Variants in RAD51B observed in about 807,000 individuals in gnomAD.
RAD51B encodes the protein DNA repair protein RAD51 homolog 2.
RAD51B carries 38 observed loss-of-function variants against 42.2 expected under a neutral mutation model. The observed-to-expected ratio is 0.90, with a 90% CI of 0.70 to 1.18. The LOEUF (loss-of-function observed/expected upper bound fraction) is 1.18. Among genes scored for constraint, RAD51B ranks in the 50% most tolerant of loss-of-function variants. The pLI, the probability that RAD51B is intolerant of heterozygous loss-of-function variation, is 0.00. For synonymous variants in RAD51B, 154 were observed against 145.2 expected (o/e 1.06, Z -0.43); for missense variants, 373 against 400.7 (o/e 0.93, Z 0.59).
intron 10 of RAD51B, among the ~76,000 whole-genome samples, chr14:68,559,799 A>G (rs1001943164): frequency 2.6e-5 from 4 of 152,186 alleles, no homozygotes; most frequent in Non-Finnish European, 2.9e-5. Flanking sequence ...CGTCTTGACC[A>G]CAGACACACA....
chr14:67,892,011 T>A (rs2043234591), intron 7 of RAD51B, among the ~76,000 whole-genome samples: 1 of 152,210 alleles, frequency 6.6e-6, no homozygotes, highest in South Asian at 2.1e-4. Flanking sequence ...ACTGCAGTCC[T>A]GTTTTGCTGT....
At chr14:68,561,300 G>A (rs1422010325) in intron 10 of RAD51B, among the ~76,000 whole-genome samples, 3 of 152,140 alleles carry the variant, frequency 2.0e-5, no homozygotes, top group Non-Finnish European at 2.9e-5. Context: ...TAAAAATATC[G>A]GTTTCTAACC....
At chr14:68,355,455 C>T (rs2082880507) in intron 8 of RAD51B, among the ~76,000 whole-genome samples, 1 of 152,086 alleles carries the variant, frequency 6.6e-6, no homozygotes, top group Non-Finnish European at 1.5e-5. Flanking sequence ...TTAGATTCTC[C>T]AATTTAATCT....
chr14:68,168,420 G>C (rs764206811), intron 7 of RAD51B, among the ~76,000 whole-genome samples: 13 of 152,044 alleles, frequency 8.6e-5, no homozygotes, highest in Non-Finnish European at 1.5e-4. Context: ...TCTATGAGGA[G>C]CATTATTTTT....
intron 11 of RAD51B, among the ~76,000 whole-genome samples, chr14:68,660,355 A>G (rs970181588): frequency 4.6e-5 from 7 of 152,248 alleles, no homozygotes; most frequent in Non-Finnish European, 8.8e-5. Context: ...TGCTGGTTGA[A>G]TGAATAAATG....
chr14:68,215,946 T>TCAC (rs760636964), intron 7 of RAD51B, among the ~76,000 whole-genome samples: 1 of 152,194 alleles, frequency 6.6e-6, no homozygotes, highest in Non-Finnish European at 1.5e-5. Flanking sequence ...TGTTTATTCT[T>TCAC]CACCACCACC....
chr14:68,319,995 C>G (rs1381821840), intron 8 of RAD51B, among the ~76,000 whole-genome samples: 27 of 152,122 alleles, frequency 1.8e-4, no homozygotes, highest in Admixed American at 1.7e-3. Flanking sequence ...GGTCACAGAG[C>G]CATTGAAAGG....
At chr14:68,650,615 T>C (rs2140138283) in intron 10 of RAD51B, among the ~76,000 whole-genome samples, 1 of 152,344 alleles carries the variant, frequency 6.6e-6, no homozygotes, top group Admixed American at 6.5e-5. Context: ...CAGCCAACAT[T>C]ATCTACAGAG....
intron 7 of RAD51B, among the ~76,000 whole-genome samples, chr14:68,097,659 T>C (rs746595935): frequency 1.3e-5 from 2 of 152,176 alleles, no homozygotes; most frequent in Admixed American, 6.5e-5. Context: ...AAGAAATGAA[T>C]GAATACAGGG....
chr14:68,541,456 G>A (rs949935064), intron 10 of RAD51B: 5 of 985,324 alleles, frequency 5.1e-6, no homozygotes, highest in African/African-American at 3.5e-5. Context: ...CCTGTCAGGA[G>A]GGGGAATGGC....
intron 9 of RAD51B, among the ~76,000 whole-genome samples, chr14:68,464,098 TC>T (rs1319929289): frequency 1.3e-5 from 2 of 152,232 alleles, no homozygotes; most frequent in Admixed American, 1.3e-4. Context: ...TAAAATTGCA[TC>T]CCAAACAATG....
chr14:68,264,904 G>C (rs1325757554), intron 7 of RAD51B, among the ~76,000 whole-genome samples: 1 of 152,126 alleles, frequency 6.6e-6, no homozygotes, highest in Non-Finnish European at 1.5e-5. Context: ...GGCTGCATCG[G>C]GTAGCAGAAA....
chr14:68,225,881 CA>C (rs1223870431), intron 7 of RAD51B, among the ~76,000 whole-genome samples: 3 of 152,268 alleles, frequency 2.0e-5, no homozygotes, highest in African/African-American at 7.2e-5. Context: ...TACTAACAAG[CA>C]AAATTGGAGT....
intron 9 of RAD51B, among the ~76,000 whole-genome samples, chr14:68,420,658 A>C (rs2084675735): frequency 6.6e-6 from 1 of 152,226 alleles, no homozygotes; most frequent in South Asian, 2.1e-4. Context: ...AGGACACCAG[A>C]GATCATGTTC....
chr14:68,111,868 C>G (rs2077464339), intron 7 of RAD51B, among the ~76,000 whole-genome samples: 1 of 152,088 alleles, frequency 6.6e-6, no homozygotes, highest in African/African-American at 2.4e-5. Context: ...TGTGATTGTA[C>G]TTTGTGCTTT....
chr14:68,040,591 A>C (rs889610478), intron 7 of RAD51B, among the ~76,000 whole-genome samples: 3 of 152,242 alleles, frequency 2.0e-5, no homozygotes, highest in Non-Finnish European at 4.4e-5. Flanking sequence ...ATAGCTAGGC[A>C]TTAAGTTAAA....
chr14:68,380,447 A>G (rs1024652103), intron 8 of RAD51B, among the ~76,000 whole-genome samples: 1 of 152,182 alleles, frequency 6.6e-6, no homozygotes, highest in Non-Finnish European at 1.5e-5. Flanking sequence ...AGATGGTTAG[A>G]GTTAATATAC....
intron 7 of RAD51B, among the ~76,000 whole-genome samples, chr14:68,168,982 A>G (rs1419807638): frequency 1.3e-5 from 2 of 152,208 alleles, no homozygotes. Context: ...GTCCTAGGAC[A>G]TAAGCATACA....
intron 7 of RAD51B, among the ~76,000 whole-genome samples, chr14:67,992,036 C>G (rs1201870698): frequency 6.6e-6 from 1 of 152,108 alleles, no homozygotes; most frequent in Admixed American, 6.5e-5. Context: ...CAAAAAAATG[C>G]ATTGTGATCT....
Sources: gnomAD v4.1 joint callset for allele counts (sites outside exome capture counted in the v4.1 genomes callset) on GRCh38, gnomAD v4.1.1 for gene constraint, MANE v1.5 for transcripts, NCBI Gene and HGNC (gene_info 2026-07-23, HGNC 2026-07-21) for gene names.